Variants in DMD observed in about 807,000 individuals in gnomAD.
DMD encodes mutant dystrophin.
DMD carries 63 observed loss-of-function variants against 330.1 expected under a neutral mutation model. The ratio of observed to expected loss-of-function variants is 0.19; its 90% CI spans 0.16 to 0.24. The LOEUF (loss-of-function observed/expected upper bound fraction) is 0.24, where lower values mean the gene tolerates loss of function less well. DMD is among the 10% of genes least tolerant of loss of function. The pLI, the probability that DMD is intolerant of heterozygous loss-of-function variation, is 1.00. For synonymous variants in DMD, 1,223 were observed against 959.8 expected (o/e 1.27, Z -5.07); for missense variants, 3,344 against 2,684.1 (o/e 1.25, Z -5.43).
chrX:31,843,828 A>G (rs2093360754), intron 48 of DMD, among the ~76,000 whole-genome samples: 1 of 61,705 alleles, frequency 1.6e-5, no homozygotes, highest in Admixed American at 1.4e-4. Flanking sequence ...TTCTTCTGCG[A>G]TTCTTCTAGT....
intron 54 of DMD, among the ~76,000 whole-genome samples, chrX:31,632,328 CG>C (rs111566505): frequency 4.6e-4 from 51 of 111,707 alleles, no homozygotes; most frequent in African/African-American, 1.5e-3. Flanking sequence ...AATACTTTAT[CG>C]GTGCATTATA....
At chrX:32,595,950 T>A in intron 12 of DMD, 74 bp from the exon 13 acceptor site, 1 of 942,509 alleles carries the variant, frequency 1.1e-6, no homozygotes, top group Admixed American at 2.3e-5. Flanking sequence ...TGCTCTCAAA[T>A]GGTGAAATTT....
At chrX:32,534,441 T>C (rs953833282) in intron 17 of DMD, among the ~76,000 whole-genome samples, 8 of 111,092 alleles carry the variant, frequency 7.2e-5, no homozygotes, top group African/African-American at 2.3e-4. Flanking sequence ...ACTGTCTCAC[T>C]CTCCTTGTCC....
chrX:32,693,152 G>A (rs777538241), intron 9 of DMD, among the ~76,000 whole-genome samples: 1 of 111,644 alleles, frequency 9.0e-6, no homozygotes, highest in East Asian at 2.8e-4. Flanking sequence ...AGGGGGCAAT[G>A]AGCCAGTGAA....
intron 67 of DMD, among the ~76,000 whole-genome samples, chrX:31,185,918 C>T: frequency 8.9e-6 from 1 of 112,024 alleles, no homozygotes. Context: ...ACTTATTCCA[C>T]AGCCAATTTC....
intron 2 of DMD, among the ~76,000 whole-genome samples, chrX:32,946,307 T>G (rs1312551948): frequency 9.0e-6 from 1 of 111,454 alleles, no homozygotes; most frequent in East Asian, 2.8e-4. Flanking sequence ...TACTTTTTTT[T>G]TGGTTCAAGG....
chrX:31,214,118 C>T (rs1036673981), intron 64 of DMD, among the ~76,000 whole-genome samples: 6 of 112,288 alleles, frequency 5.3e-5, no homozygotes, highest in Non-Finnish European at 1.1e-4. Flanking sequence ...CTCTGGCCTG[C>T]AGGTGGAGTC....
chrX:32,281,347 G>A (rs998226253), intron 43 of DMD, among the ~76,000 whole-genome samples: 3 of 112,392 alleles, frequency 2.7e-5, no homozygotes, highest in African/African-American at 9.7e-5. Context: ...TTTTCCTAAA[G>A]CTACACCTTC....
intron 55 of DMD, among the ~76,000 whole-genome samples, chrX:31,603,571 GAA>G (rs1174280628): frequency 2.7e-5 from 3 of 111,923 alleles, no homozygotes; most frequent in Admixed American, 9.5e-5. Context: ...TGCAATATTT[GAA>G]AAGAGTCTGC....
At chrX:31,442,975 C>T (rs1021630030) in intron 60 of DMD, among the ~76,000 whole-genome samples, 1 of 111,375 alleles carries the variant, frequency 9.0e-6, no homozygotes, top group African/African-American at 3.3e-5. Flanking sequence ...TGCAACTTAT[C>T]TTTATTAAAG....
At chrX:31,763,124 C>T (rs1184853243) in intron 51 of DMD, among the ~76,000 whole-genome samples, 3 of 112,372 alleles carry the variant, frequency 2.7e-5, no homozygotes, top group African/African-American at 6.5e-5. Flanking sequence ...AAATTTATTT[C>T]GAGGACCAGA....
chrX:31,904,026 C>G (rs760294100), intron 47 of DMD, among the ~76,000 whole-genome samples: 1 of 111,564 alleles, frequency 9.0e-6, no homozygotes, highest in South Asian at 3.7e-4. Context: ...TGCATTAAAA[C>G]TAAATACATA....
At chrX:31,504,894 G>T (rs1224827643) in intron 56 of DMD, among the ~76,000 whole-genome samples, 2 of 111,911 alleles carry the variant, frequency 1.8e-5, no homozygotes, top group Non-Finnish European at 3.8e-5. Context: ...TCTAGAATTG[G>T]CAGCACCTTA....
chrX:32,335,650 TATATACATAAC>T (rs2097704750), intron 41 of DMD, among the ~76,000 whole-genome samples: 1 of 108,431 alleles, frequency 9.2e-6, no homozygotes, highest in African/African-American at 3.3e-5. Flanking sequence ...CATAACATGT[TATATACATAAC>T]ATATACATAA....
chrX:33,010,264 ATG>A (rs200948492), intron 2 of DMD, among the ~76,000 whole-genome samples: 1,239 of 65,664 alleles, frequency 0.019, 25 homozygotes, highest in African/African-American at 0.049. Context: ...ATGTACAAAT[ATG>A]TGTGTATATG....
chrX:32,046,204 C>A (rs1409792963), intron 44 of DMD, among the ~76,000 whole-genome samples: 2 of 111,875 alleles, frequency 1.8e-5, no homozygotes, highest in Non-Finnish European at 1.9e-5. Flanking sequence ...GCCTGAAAAC[C>A]AGCATCAGCT....
intron 43 of DMD, among the ~76,000 whole-genome samples, chrX:32,247,167 A>G (rs966450): frequency 0.077 from 8,566 of 111,706 alleles, 402 homozygotes; most frequent in East Asian, 0.36. Context: ...AGAGAACAGT[A>G]TATTATGGAC....
chrX:31,889,510 C>G (rs1310361848), intron 47 of DMD, among the ~76,000 whole-genome samples: 1 of 109,923 alleles, frequency 9.1e-6, no homozygotes, highest in Non-Finnish European at 1.9e-5. Context: ...ATCTAACTAT[C>G]CACCTACCCA....
chrX:32,527,465 G>A (rs191819064), intron 17 of DMD, among the ~76,000 whole-genome samples: 3 of 109,985 alleles, frequency 2.7e-5, no homozygotes, highest in African/African-American at 9.9e-5. Flanking sequence ...ATCTTCCAAG[G>A]CTCAGTTCAA....
Sources: gnomAD v4.1 joint callset for allele counts (sites outside exome capture counted in the v4.1 genomes callset) on GRCh38, gnomAD v4.1.1 for gene constraint, MANE v1.5 for transcripts, NCBI Gene and HGNC (gene_info 2026-07-23, HGNC 2026-07-21) for gene names.